Variants in BMP5 observed in about 807,000 individuals in gnomAD.
BMP5 encodes the protein bone morphogenetic protein 5.
A neutral mutation model predicts 46.6 loss-of-function variants in BMP5; 23 were observed. The observed-to-expected ratio is 0.49, with a 90% CI of 0.35 to 0.70. The LOEUF (loss-of-function observed/expected upper bound fraction) is 0.70. Ranked by LOEUF, BMP5 falls within the 30% of genes least tolerant of loss-of-function variation. BMP5 has a pLI of 0.00. For missense variants in BMP5, 545 were observed against 565.6 expected (o/e 0.96, Z 0.37); for synonymous variants, 204 against 191.9 (o/e 1.06, Z -0.52).
At position 55,754,866 on chromosome 6, in the gene BMP5, CTT is replaced by C. The variant is rs1334669393; in HGVS notation, c.*665_*666del. On this transcript the variant is annotated 3_prime_UTR_variant, in exon 7 of 7. Coordinates refer to ENST00000370830, the MANE Select transcript of BMP5 (RefSeq NM_021073.4). ...AGCCTGTCTCCTGAAGCTTTGAGCT[CTT>C]TGCAAAATCTACAATCCACAAGCCA... 6.6e-6 allele frequency: 1 copy of C among 152,000 alleles called. No individual in the cohort carries two copies. The highest frequency in any genetic ancestry group is 1.9e-4 in the East Asian group (1 of 5,156). 9.4% of individuals were successfully genotyped at this position (152,000 alleles called of 1,614,324 possible).
intron 2 of BMP5, among the ~76,000 whole-genome samples, chr6:55,808,640 AG>A (rs1776049782): frequency 6.6e-6 from 1 of 152,206 alleles, no homozygotes; most frequent in Non-Finnish European, 1.5e-5. Context: ...TGGGCTGCAC[AG>A]TTCCATGGAA....
chr6:55,862,424 C>T (rs1004290568), intron 1 of BMP5, among the ~76,000 whole-genome samples: 5 of 152,078 alleles, frequency 3.3e-5, no homozygotes, highest in Non-Finnish European at 5.9e-5. Context: ...ATTGTATCTC[C>T]ATTGACTATT....
At chr6:55,769,009 G>A (rs922196316) in intron 4 of BMP5, among the ~76,000 whole-genome samples, 1 of 151,970 alleles carries the variant, frequency 6.6e-6, no homozygotes, top group African/African-American at 2.4e-5. Flanking sequence ...ATTAAAAAAT[G>A]CTAGTGATCA....
intron 1 of BMP5, among the ~76,000 whole-genome samples, chr6:55,837,373 A>AGATAGATAGATAGATG (rs1554185001): frequency 1.3e-5 from 2 of 151,356 alleles, no homozygotes; most frequent in East Asian, 1.9e-4. Context: ...ATAGATAGAT[A>AGATAGATAGATAGATG]GATAGACAGA....
Position 55,841,916 on chromosome 6 carries a change from C to CAGAGAGAGAGAG in BMP5, c.491-22081_491-22070dup, listed in dbSNP as rs143400522. Reference sequence around the variant, plus strand: ...TCAGCCCATAACAGAGAGAGAGAGACAGAGAGAGAGAGAGAGAGAGAGAGA... The same window carrying CAGAGAGAGAGAG: ...TCAGCCCATAACAGAGAGAGAGAGACAGAGAGAGAGAGAGAGAGAGAGAGAGAGAGAGAGAGA... On this transcript the variant is annotated intron_variant, in intron 1 of 6. Transcript: ENST00000370830. 4.8e-3 allele frequency among the ~76,000 whole-genome samples: 701 copies of CAGAGAGAGAGAG among 146,908 alleles called. 9 individuals carry two copies. The highest frequency in any genetic ancestry group is 0.016 in the African/African-American group (634 of 39,858).
intron 1 of BMP5, among the ~76,000 whole-genome samples, chr6:55,821,622 C>T (rs150930784): frequency 3.9e-5 from 6 of 152,234 alleles, no homozygotes; most frequent in African/African-American, 1.4e-4. Flanking sequence ...AGGTCCATTT[C>T]CAGAGAGATT....
At chr6:55,846,844 T>G (rs1394944332) in intron 1 of BMP5, among the ~76,000 whole-genome samples, 2 of 151,106 alleles carry the variant, frequency 1.3e-5, no homozygotes, top group Non-Finnish European at 3.0e-5. Flanking sequence ...TTAATAATTT[T>G]TTATTCTTTT....
chr6:55,780,274 AGTACC>A (rs1233492310), intron 3 of BMP5, among the ~76,000 whole-genome samples: 2 of 151,782 alleles, frequency 1.3e-5, no homozygotes, highest in African/African-American at 4.8e-5. Flanking sequence ...TATTAGTAGC[AGTACC>A]CTGACACACT....
intron 2 of BMP5, among the ~76,000 whole-genome samples, chr6:55,813,515 C>G (rs1424406293): frequency 3.3e-5 from 5 of 151,466 alleles, no homozygotes; most frequent in Non-Finnish European, 5.9e-5. Context: ...TTTGGCCGGG[C>G]GCGGTGGCTC....
chr6:55,866,895 T>C (rs1349609072), intron 1 of BMP5, among the ~76,000 whole-genome samples: 1 of 152,194 alleles, frequency 6.6e-6, no homozygotes, highest in Non-Finnish European at 1.5e-5. Context: ...ATTATTATTC[T>C]CTCTTGAATT....
rs3798847 is a variant in BMP5, at chr6:55,756,560, A to G, written c.1216-878T>C. Among the ~76,000 whole-genome samples, 74 of 152,012 alleles carry G rather than the reference A, an allele frequency of 4.9e-4. No homozygotes were observed. The East Asian group carries it at 0.014, about 28-fold the overall frequency. ...ACCCACCTATTCTGGCCCTTCCCCC[A>G]GAGGAGTTTATGGGAAATCCCACTG... is the stretch of plus-strand genomic sequence containing the variant. On this transcript the variant is annotated intron_variant, in intron 6 of 6. Coordinates refer to ENST00000370830, the MANE Select transcript of BMP5 (RefSeq NM_021073.4).
At chr6:55,811,639 CTCTCTCTCTCTG>C (rs1776136469) in intron 2 of BMP5, among the ~76,000 whole-genome samples, 1 of 150,976 alleles carries the variant, frequency 6.6e-6, no homozygotes, top group Non-Finnish European at 1.5e-5. Context: ...CACCTCTGCC[CTCTCTCTCTCTG>C]TCTCTCTCTC....
intron 3 of BMP5, among the ~76,000 whole-genome samples, chr6:55,792,933 TA>T (rs201267704): frequency 0.011 from 1,711 of 152,256 alleles, 33 homozygotes; most frequent in African/African-American, 0.039. Context: ...ATGATCTTTT[TA>T]AAAATTATCC....
chr6:55,776,956 A>T (rs1201485829), intron 3 of BMP5, among the ~76,000 whole-genome samples: 3 of 151,994 alleles, frequency 2.0e-5, no homozygotes, highest in Non-Finnish European at 4.4e-5. Flanking sequence ...TGGGTTTTAC[A>T]AAGGTGGATA....
chr6:55,827,222 A>C (rs755104383), intron 1 of BMP5, among the ~76,000 whole-genome samples: 3 of 151,774 alleles, frequency 2.0e-5, no homozygotes, highest in Non-Finnish European at 4.4e-5. Flanking sequence ...GAAAGGACTC[A>C]TTAGGATTGT....
chr6:55,803,586 A>G (rs925692389), intron 2 of BMP5, among the ~76,000 whole-genome samples: 1 of 152,148 alleles, frequency 6.6e-6, no homozygotes, highest in Non-Finnish European at 1.5e-5. Flanking sequence ...GCTCGCATAC[A>G]TTGTCACTGA....
intron 2 of BMP5, among the ~76,000 whole-genome samples, chr6:55,807,541 C>T (rs528010578): frequency 2.0e-5 from 3 of 152,278 alleles, no homozygotes; most frequent in African/African-American, 7.2e-5. Flanking sequence ...CGTTGTGTCT[C>T]TGGAAGGTTT....
At chr6:55,863,198 T>G (rs1383181674) in intron 1 of BMP5, among the ~76,000 whole-genome samples, 3 of 152,180 alleles carry the variant, frequency 2.0e-5, no homozygotes, top group Admixed American at 2.0e-4. Flanking sequence ...TCTACTTCCT[T>G]GAGGGCTATA....
intron 5 of BMP5, among the ~76,000 whole-genome samples, chr6:55,760,065 C>A (rs1176259563): frequency 2.0e-5 from 3 of 151,930 alleles, no homozygotes; most frequent in Non-Finnish European, 2.9e-5. Flanking sequence ...AAATGTCTGT[C>A]ATCTTCCCCA....
Sources: gnomAD v4.1 joint callset for allele counts (sites outside exome capture counted in the v4.1 genomes callset) on GRCh38, gnomAD v4.1.1 for gene constraint, MANE v1.5 for transcripts, NCBI Gene and HGNC (gene_info 2026-07-23, HGNC 2026-07-21) for gene names.